The following EXD3 variants were observed in gnomAD, a reference collection of about 807,000 sequenced individuals.
EXD3 encodes the protein exonuclease mut-7 homolog.
A neutral mutation model predicts 98.0 loss-of-function variants in EXD3; 92 were observed. The observed-to-expected ratio is 0.94, with a 90% confidence interval of 0.79 to 1.12. EXD3 has a LOEUF of 1.12. EXD3 is among the 50% of genes most tolerant of loss of function. The pLI, the probability that EXD3 is intolerant of heterozygous loss-of-function variation, is 0.00. For missense variants in EXD3, 1,222 were observed against 1,191.6 expected (o/e 1.03, Z -0.38); for synonymous variants, 569 against 526.0 (o/e 1.08, Z -1.12).
intron 3 of EXD3, among the ~76,000 whole-genome samples, chr9:137,379,054 G>A: frequency 8.1e-6 from 1 of 123,170 alleles, no homozygotes; most frequent in African/African-American, 3.3e-5. Flanking sequence ...GGGGAATGGG[G>A]CGTCTGTGTG....
Position 137,395,534 on chromosome 9 carries a change from C to G in EXD3, c.-47-130G>C, listed in dbSNP as rs1470272612. The G allele has an allele frequency of 1.2e-6, 1 of 802,268 alleles. No individual in the cohort carries two copies. The highest frequency in any genetic ancestry group is 2.7e-5 in the East Asian group (1 of 37,264). 49.7% of individuals were successfully genotyped at this position (802,268 alleles called of 1,614,324 possible). Reference sequence around the variant, plus strand: ...GGGGGGCCCAAGTGGGACCCCCAGTCGCTGAGCATAGCGGGCAGCTCCACA... The same window carrying G: ...GGGGGGCCCAAGTGGGACCCCCAGTGGCTGAGCATAGCGGGCAGCTCCACA... On this transcript the variant is annotated intron_variant, in intron 1 of 21. Transcript: ENST00000340951. This position sits in a 1 kb window ranked among gnomAD's most constrained non-coding sequence, Gnocchi z 6.5.
At position 137,323,764 on chromosome 9, in the gene EXD3, G is replaced by A. The variant is rs746164296; in HGVS notation, c.2145C>T (p.Asn715=). The change falls in exon 19 of 22, where the codon AAC becomes AAT. Residue 715 remains asparagine, a synonymous_variant. Transcript: ENST00000340951. ...AGATGTCTGCGTGGGTGACACGCAC[G>A]TTGAAATGCTTGAGCACAGCCTTGG... ...QQAKAVLKHF[N]VRVTHADIFS... The A allele has an allele frequency of 9.9e-6, 16 of 1,612,404 alleles. No homozygotes were observed. The highest frequency in any genetic ancestry group is 2.2e-5 in the South Asian group (2 of 91,078).
intron 3 of EXD3, among the ~76,000 whole-genome samples, chr9:137,377,475 T>C (rs1302645974): frequency 7.2e-6 from 1 of 139,066 alleles, no homozygotes; most frequent in East Asian, 2.1e-4. Context: ...GAAAGGCAGA[T>C]TTCAAAAAGG....
At chr9:137,404,235 TG>T (rs1332899791) in intron 1 of EXD3, among the ~76,000 whole-genome samples, 2 of 152,134 alleles carry the variant, frequency 1.3e-5, no homozygotes, top group Non-Finnish European at 2.9e-5. Flanking sequence ...CATGGGAATT[TG>T]GGGGGAAACA....
intron 8 of EXD3, 124 bp from the exon 9 acceptor site, chr9:137,354,897 C>A (rs1834538547): frequency 6.4e-6 from 6 of 933,216 alleles, no homozygotes; most frequent in Non-Finnish European, 9.5e-6. Context: ...CACCTCTGCC[C>A]CGGAGCCCAC....
At chr9:137,354,582 G>C in intron 9 of EXD3, 118 bp downstream of exon 9, 5 of 1,548,008 alleles carry the variant, frequency 3.2e-6, no homozygotes, top group South Asian at 2.3e-5. Context: ...TCTGGGGCAA[G>C]AAGCAGCTCC....
chr9:137,309,231 G>A (rs1355209602), intron 20 of EXD3, among the ~76,000 whole-genome samples: 1 of 152,216 alleles, frequency 6.6e-6, no homozygotes, highest in African/African-American at 2.4e-5. Flanking sequence ...CTGGGGGGGT[G>A]GACATCTGGG....
At chr9:137,366,153 A>C in intron 7 of EXD3, 1 of 700,710 alleles carries the variant, frequency 1.4e-6, no homozygotes, top group South Asian at 1.5e-5. Context: ...AGTGCTTCCA[A>C]AAACTTTATT....
intron 3 of EXD3, among the ~76,000 whole-genome samples, chr9:137,381,690 C>G (rs988189793): frequency 6.6e-6 from 1 of 152,166 alleles, no homozygotes; most frequent in Non-Finnish European, 1.5e-5. Flanking sequence ...GCAGACCGCC[C>G]CAAGGAGTTC....
Position 137,349,107 on chromosome 9 carries a change from C to T in EXD3, c.1830+3G>A. On this transcript the variant is annotated splice_donor_region_variant and intron_variant, in intron 16 of 21. Coordinates refer to ENST00000340951, the MANE Select transcript of EXD3 (RefSeq NM_017820.5). This position sits in a 1 kb window ranked among gnomAD's most constrained non-coding sequence, Gnocchi z 7.4. The stretch of plus-strand genomic sequence containing the variant: ...CAAACGGACCCTGCGGGGCTTCACC[C>T]ACCTGCCTGGGTGCGGCCGGTGCTG... The T allele has an allele frequency of 1.3e-6, 2 of 1,591,396 alleles. No individual in the cohort carries two copies. Among genetic ancestry groups the T allele is most frequent in the Non-Finnish European group, 1.7e-6 (2 of 1,174,422 alleles).
chr9:137,354,444 A>T, intron 9 of EXD3, 67 bp from the exon 10 acceptor site: 1 of 1,605,572 alleles, frequency 6.2e-7, no homozygotes, highest in Admixed American at 1.7e-5. Flanking sequence ...GCCTGGTGGG[A>T]GTTTTCCTCG....
chr9:137,332,649 C>T (rs149475500), intron 17 of EXD3, among the ~76,000 whole-genome samples: 21,954 of 151,846 alleles, frequency 0.14, 2,017 homozygotes, highest in Admixed American at 0.28. Context: ...CGAGACCATC[C>T]TGGCTAAAAC....
chr9:137,313,170 G>C (rs1030522071), intron 19 of EXD3, among the ~76,000 whole-genome samples: 1 of 152,172 alleles, frequency 6.6e-6, no homozygotes, highest in Non-Finnish European at 1.5e-5. Context: ...GGCGAGACAC[G>C]AGCCCTGGGA....
intron 17 of EXD3, among the ~76,000 whole-genome samples, chr9:137,339,907 A>G (rs1267917926): frequency 6.6e-6 from 1 of 152,240 alleles, no homozygotes; most frequent in Non-Finnish European, 1.5e-5. Context: ...AAGATAAAGA[A>G]GGAAAAGATA....
chr9:137,311,394 C>G (rs190636446), intron 19 of EXD3, among the ~76,000 whole-genome samples: 1 of 152,246 alleles, frequency 6.6e-6, no homozygotes, highest in Admixed American at 6.5e-5. Flanking sequence ...GCCCCACTCT[C>G]CACTGTGCAG....
At chr9:137,374,932 T>TTA in intron 3 of EXD3, 1 of 868,274 alleles carries the variant, frequency 1.2e-6, no homozygotes, top group South Asian at 5.3e-5. Flanking sequence ...CTAACTCTAG[T>TTA]GAGTTCTAGC....
At chr9:137,344,506 G>A (rs961376761) in intron 17 of EXD3, among the ~76,000 whole-genome samples, 11 of 152,166 alleles carry the variant, frequency 7.2e-5, no homozygotes, top group Non-Finnish European at 1.2e-4. Flanking sequence ...CTGCGGAGGC[G>A]GCCAAGGGCT....
In EXD3 at chr9:137,369,006, G is replaced by T. The variant is rs536670573; in HGVS notation, c.463-1017C>A. ...GCAGTGCCCGGGGCGGGGTGGGGGG[G>T]CTTCTCAGAGCCGTGTGGGGAGGGG... On this transcript the variant is annotated intron_variant, in intron 5 of 21. Transcript: ENST00000340951. 8.9e-3 allele frequency among the ~76,000 whole-genome samples: 1,197 copies of T among 133,970 alleles called. 27 individuals are homozygous for T. Among genetic ancestry groups the T allele is most frequent in the African/African-American group, 0.03 (1,074 of 36,040 alleles). 87.9% of individuals were successfully genotyped at this position (133,970 alleles called of 152,430 possible). A position where few individuals can be genotyped will look rare whatever the true frequency, so the allele number is the denominator to read the frequency against.
At chr9:137,315,501 G>A (rs1311606214) in intron 19 of EXD3, among the ~76,000 whole-genome samples, 3 of 152,068 alleles carry the variant, frequency 2.0e-5, no homozygotes, top group Non-Finnish European at 2.9e-5. Context: ...AGCAGACTTG[G>A]GGGCCCCCGG....
Sources: allele counts gnomAD v4.1 joint callset (sites outside exome capture counted in the v4.1 genomes callset), GRCh38; gene constraint gnomAD v4.1.1; non-coding constraint Gnocchi (gnomAD v3.1); transcripts MANE v1.5; gene names NCBI Gene and HGNC (gene_info 2026-07-23, HGNC 2026-07-21).